The following NHSL1 variants were observed in gnomAD, a reference collection of about 807,000 sequenced individuals.
NHSL1 encodes the protein NHS like 1.
NHSL1 carries 48 observed loss-of-function variants against 95.0 expected under a neutral mutation model. That is an observed-to-expected ratio of 0.51 (90% CI 0.40 to 0.64). NHSL1 has a LOEUF of 0.64. NHSL1 is among the 30% of genes least tolerant of loss of function. The probability of loss-of-function intolerance (pLI) is 0.00; values close to 1 mark genes in which losing one functional copy is unlikely to be tolerated. For synonymous variants in NHSL1, 783 were observed against 833.9 expected, an observed-to-expected ratio of 0.94 and a Z score of 1.05; for missense variants, 1,971 against 2,077.7, an observed-to-expected ratio of 0.95 and a Z score of 1.00.
chr6:138,649,871 T>G (rs909281619), intron 1 of NHSL1, among the ~76,000 whole-genome samples: 4 of 151,900 alleles, frequency 2.6e-5, no homozygotes, highest in African/African-American at 9.7e-5. Flanking sequence ...ATAGGGTGGG[T>G]TCTGACCCCA....
intron 3 of NHSL1, among the ~76,000 whole-genome samples, chr6:138,460,928 C>A (rs1330190194): frequency 6.6e-6 from 1 of 151,866 alleles, no homozygotes; most frequent in Non-Finnish European, 1.5e-5. Context: ...TCGCTTCTAA[C>A]CTGCCTTGGC....
intron 1 of NHSL1, among the ~76,000 whole-genome samples, chr6:138,668,255 A>G (rs543783169): frequency 1.3e-5 from 2 of 152,218 alleles, no homozygotes; most frequent in East Asian, 3.9e-4. Context: ...AGTCTCTACT[A>G]AAAATACAAA....
Position 138,424,491 on chromosome 6 carries a change from T to C in NHSL1, c.4411A>G (p.Lys1471Glu). 6.4e-7 allele frequency: 1 copy of C among 1,551,580 alleles called. No homozygotes were observed. The highest frequency in any genetic ancestry group is 8.7e-7 in the Non-Finnish European group (1 of 1,146,956). The change falls in exon 8 of 8, where the codon AAG becomes GAG. Residue 1471 changes from lysine (K) to glutamate (E), a missense_variant. Physicochemically the swap from Lys to Glu is moderately conservative, Grantham distance 56 (BLOSUM62 1). This residue lies in a region of NHSL1 where 223 missense variants were observed against 217.0 expected (regional missense o/e 1.03). Transcript: ENST00000343505. The surrounding 1 kb of genome is among the most constrained non-coding windows in gnomAD (Gnocchi z 5.9). ...CACTCCTCCTGCGCCCTTCTGTTCT[T>C]GCTTGGGGAGCAGCTTGACGGGCTC... ...PESPSSCSPS[K>E]NRRAQEEWAK...
chr6:138,546,046 A>G (rs191522145), upstream of NHSL1, among the ~76,000 whole-genome samples: 2 of 152,254 alleles, frequency 1.3e-5, no homozygotes, highest in Admixed American at 1.3e-4. Context: ...ATTCAGTTTA[A>G]CCTTTTGCTA....
intron 3 of NHSL1, among the ~76,000 whole-genome samples, chr6:138,469,299 G>A (rs190073227): frequency 4.6e-5 from 7 of 152,222 alleles, no homozygotes; most frequent in South Asian, 2.1e-4. Flanking sequence ...GAAGACATTC[G>A]CACATGAGTT....
At chr6:138,556,963 C>T (rs535881320) in intron 1 of NHSL1, among the ~76,000 whole-genome samples, 2 of 152,142 alleles carry the variant, frequency 1.3e-5, no homozygotes, top group African/African-American at 4.8e-5. Context: ...GAGTGACAAT[C>T]AACAAGTAAT....
chr6:138,513,860 A>G (rs1283746030), intron 1 of NHSL1, among the ~76,000 whole-genome samples: 3 of 152,204 alleles, frequency 2.0e-5, no homozygotes, highest in Non-Finnish European at 2.9e-5. Context: ...CACTAAACAC[A>G]TGATCTGGAC....
In NHSL1 at chr6:138,615,275, A is replaced by C. The variant is rs556230133; in HGVS notation, c.96+77201T>G. Among the ~76,000 whole-genome samples the C allele has an allele frequency of 1.6e-4, 25 of 152,310 alleles. 1 individual carries two copies. In the South Asian group the frequency reaches 4.6e-3, roughly 28 times the overall value. The stretch of plus-strand genomic sequence containing the variant: ...GTTGCTTGTTCAAGGCACTCTTATC[A>C]TATGTTTACAATGTTGCTTTCCAGC... On this transcript the variant is annotated intron_variant, in intron 1 of 3. Coordinates refer to the NHSL1 transcript ENST00000491526.
At position 138,569,994 on chromosome 6, in the gene NHSL1, C is replaced by T. The variant is rs76895942; in HGVS notation, c.202+1716G>A. Among the ~76,000 whole-genome samples, 1,324 of 152,344 alleles carry T rather than the reference C, an allele frequency of 8.7e-3. 21 individuals carry two copies. The highest frequency in any genetic ancestry group is 0.031 in the African/African-American group (1,269 of 41,582). ...AAGGGCACAATCTTTTGTATCGCTA[C>T]GTAAGCAAGTCCTCCCTTCACAAGT... On this transcript the variant is annotated intron_variant, in intron 1 of 6. Transcript: ENST00000427025.
intron 1 of NHSL1, among the ~76,000 whole-genome samples, chr6:138,640,479 C>A (rs964414193): frequency 9.2e-5 from 14 of 152,120 alleles, no homozygotes; most frequent in Admixed American, 7.2e-4. Flanking sequence ...ACAGCAAGAC[C>A]AATCCCTCCT....
At chr6:138,455,015 C>T (rs1050397263) in intron 3 of NHSL1, among the ~76,000 whole-genome samples, 3 of 152,132 alleles carry the variant, frequency 2.0e-5, no homozygotes, top group Non-Finnish European at 2.9e-5. Flanking sequence ...ATGGAAACAG[C>T]AAGAGAAACT....
intron 1 of NHSL1, among the ~76,000 whole-genome samples, chr6:138,565,184 G>A (rs6918217): frequency 0.085 from 12,899 of 151,336 alleles, 880 homozygotes; most frequent in African/African-American, 0.19. Flanking sequence ...TCGGCTCACT[G>A]CAACCTCCGC....
upstream of NHSL1, chr6:138,545,810 T>C (rs1448251992): frequency 8.5e-7 from 1 of 1,177,148 alleles, no homozygotes; most frequent in East Asian, 6.1e-5. Flanking sequence ...TGCTGGGCTG[T>C]GCTGCTGACA....
rs780451660 is a variant in NHSL1 at position 138,432,533 on chromosome 6, G to A, written c.1812C>T (p.His604=). ...TGTGCACAGATGCACAGTAGCCATCGTGGTCCTCAGAATACAGCGACCCAG... is the reference window on the plus strand; with the variant it reads ...TGTGCACAGATGCACAGTAGCCATCATGGTCCTCAGAATACAGCGACCCAG... ...EDAGSLYSED[H]DGYCASVHTD... The change falls in exon 6 of 8, where the codon CAC becomes CAT. Residue 604 remains histidine (H), a synonymous_variant. Transcript: ENST00000343505. This position sits in a 1 kb window ranked among gnomAD's most constrained non-coding sequence, Gnocchi z 4.4. 2.4e-4 allele frequency: 376 copies of A among 1,551,968 alleles called. No individual in the cohort carries two copies. Among genetic ancestry groups the A allele is most frequent in the Non-Finnish European group, 3.1e-4 (357 of 1,147,028 alleles).
At chr6:138,474,874 C>T (rs949479439) in intron 2 of NHSL1, among the ~76,000 whole-genome samples, 8 of 152,194 alleles carry the variant, frequency 5.3e-5, no homozygotes, top group Middle Eastern at 3.4e-3. Flanking sequence ...TCAGGCTGGG[C>T]GCGGTGGCTC....
intron 1 of NHSL1, among the ~76,000 whole-genome samples, chr6:138,520,320 C>T (rs977152078): frequency 1.4e-5 from 2 of 138,768 alleles, no homozygotes; most frequent in African/African-American, 2.7e-5. Flanking sequence ...GATGGAGTCC[C>T]GCTCTGTCAC....
chr6:138,499,871 G>A (rs530919116), upstream of NHSL1, among the ~76,000 whole-genome samples: 35 of 152,210 alleles, frequency 2.3e-4, no homozygotes, highest in African/African-American at 7.5e-4. Flanking sequence ...TCCCAACCAC[G>A]CCCCAGGCTC....
upstream of NHSL1, among the ~76,000 whole-genome samples, chr6:138,503,032 T>C (rs1198192725): frequency 6.6e-6 from 1 of 152,226 alleles, no homozygotes; most frequent in Non-Finnish European, 1.5e-5. Flanking sequence ...GTAATTGCTC[T>C]ATACCCCCTG....
chr6:138,679,098 A>G (rs1438384076), intron 1 of NHSL1, among the ~76,000 whole-genome samples: 1 of 152,218 alleles, frequency 6.6e-6, no homozygotes, highest in Non-Finnish European at 1.5e-5. Context: ...TCTTTCCACA[A>G]GACAAGAACC....
Sources: allele counts gnomAD v4.1 joint callset (sites outside exome capture counted in the v4.1 genomes callset), GRCh38; gene constraint gnomAD v4.1.1; regional missense constraint gnomAD v4.1.1; non-coding constraint Gnocchi (gnomAD v3.1); transcripts MANE v1.5; gene names NCBI Gene and HGNC (gene_info 2026-07-23, HGNC 2026-07-21).